Variants in TARS2 observed in about 807,000 individuals in gnomAD.
TARS2 encodes the protein threonine--tRNA ligase, mitochondrial.
A neutral mutation model predicts 94.4 loss-of-function variants in TARS2; 61 were observed. The observed-to-expected ratio is 0.65, with a 90% CI of 0.53 to 0.80. The LOEUF (loss-of-function observed/expected upper bound fraction) is 0.80, where lower values mean the gene tolerates loss of function less well. Ranked by LOEUF, TARS2 falls within the 30% of genes least tolerant of loss-of-function variation. TARS2 has a pLI of 0.00. For missense variants in TARS2, 704 were observed against 902.5 expected, an observed-to-expected ratio of 0.78 and a Z score of 2.82; for synonymous variants, 359 against 353.4, an observed-to-expected ratio of 1.02 and a Z score of -0.18.
chr1:150,491,863 C>T (rs1461791998), intron 6 of TARS2: 6 of 524,980 alleles, frequency 1.1e-5, no homozygotes, highest in South Asian at 4.1e-5. Flanking sequence ...AGCACGATCT[C>T]GGCTCACTGC....
chr1:150,489,662 C>T (rs1333668055), intron 3 of TARS2, among the ~76,000 whole-genome samples: 1 of 152,162 alleles, frequency 6.6e-6, no homozygotes, highest in African/African-American at 2.4e-5. Flanking sequence ...TTATTCTGGC[C>T]AGGCACAGTA....
At position 150,503,605 on chromosome 1, in the gene TARS2, G is replaced by GTA. The variant is rs1218365402; in HGVS notation, c.1618-729_1618-728insAT. On this transcript the variant is annotated intron_variant, in intron 13 of 17. Transcript: ENST00000369064. ...TATATATGTGTGTGTGTGTGTGTAT[G>GTA]TGTGTATATATATGTGTGTGTATAT... 2.1e-4 allele frequency among the ~76,000 whole-genome samples: 29 copies of GTA among 136,184 alleles called. 1 individual carries two copies. Among genetic ancestry groups the GTA allele is most frequent in the Non-Finnish European group, 3.8e-4 (24 of 63,794 alleles). The allele number at this position is 136,184 out of a possible 152,430, so 89.3% of individuals were successfully genotyped here.
At chr1:150,504,173 A>G (rs1670090529) in intron 13 of TARS2, among the ~76,000 whole-genome samples, 162 bp from the exon 14 acceptor site, 1 of 152,118 alleles carries the variant, frequency 6.6e-6, no homozygotes, top group African/African-American at 2.4e-5. Flanking sequence ...AGTTGAGTAG[A>G]GTGAACTGGA....
At chr1:150,493,120 C>T (rs1009133658) in intron 7 of TARS2, among the ~76,000 whole-genome samples, 2 of 152,000 alleles carry the variant, frequency 1.3e-5, no homozygotes, top group African/African-American at 4.8e-5. Context: ...CTTCCCTTCT[C>T]AGCCTCCCAA....
Position 150,491,444 on chromosome 1 carries a change from T to C in TARS2, c.563T>C (p.Leu188Pro), listed in dbSNP as rs767110055. The C allele has an allele frequency of 6.2e-7, 1 of 1,613,900 alleles. No individual in the cohort carries two copies. The highest frequency in any genetic ancestry group is 8.5e-7 in the Non-Finnish European group (1 of 1,180,042). ...LPVLERICQELTAAARPFRRL... is the reference protein window; with the variant it reads ...LPVLERICQEPTAAARPFRRL... ...GTTTTGGAGCGGATTTGCCAGGAAC[T>C]TACAGCTGCTGCTCGACCCTTCCGG... is the stretch of plus-strand genomic sequence containing the variant. Residue 188 changes from leucine to proline, a missense_variant, in exon 5 of 18, where the codon CTT becomes CCT. Leu to Pro is a moderately conservative substitution (Grantham distance 98). Coordinates refer to ENST00000369064, the MANE Select transcript of TARS2 (RefSeq NM_025150.5).
At chr1:150,497,476 A>G (rs1389228650) in intron 9 of TARS2, 54 bp from the exon 10 acceptor site, 2 of 1,559,972 alleles carry the variant, frequency 1.3e-6, no homozygotes, top group East Asian at 4.5e-5. Flanking sequence ...CTGACACCCT[A>G]CCTGCTTTCC....
At chr1:150,498,709 C>T (rs779370150) in intron 11 of TARS2, 45 bp downstream of exon 11, 1 of 1,612,772 alleles carries the variant, frequency 6.2e-7, no homozygotes. Flanking sequence ...AACCACCTTT[C>T]TTTCTCCCTA....
Position 150,488,044 on chromosome 1 carries a change from C to G in TARS2, c.253C>G (p.Arg85Gly). 1 of 1,613,798 alleles carries G rather than the reference C, an allele frequency of 6.2e-7. No homozygotes were observed. Among genetic ancestry groups the G allele is most frequent in the Non-Finnish European group, 8.5e-7 (1 of 1,179,888 alleles). The change falls in exon 2 of 18, where the codon CGG becomes GGG. Residue 85 changes from arginine (R) to glycine (G), a missense_variant. Arg to Gly is a moderately radical substitution (Grantham distance 125). Coordinates refer to ENST00000369064, the MANE Select transcript of TARS2 (RefSeq NM_025150.5). ...GAACACAACCCCCTACCAACTAGCC[C>G]GGCAGATCAGGTAACAGGCCCATCC... The part of the protein sequence containing the change: ...AWNTTPYQLA[R>G]QISSTLADTA...
In TARS2 at chr1:150,505,808, T is replaced by C. The variant is rs1356363115; in HGVS notation, c.2008+103T>C. ...GCATATTTGGGTTAATTGGGGCTCA[T>C]TACCTGAGCAGGTAGGAGCCAGGAT... On this transcript the variant is annotated intron_variant, in intron 17 of 17. Coordinates refer to ENST00000369064, the MANE Select transcript of TARS2 (RefSeq NM_025150.5). 9.3e-6 allele frequency: 10 copies of C among 1,073,532 alleles called. No homozygotes were observed. The African/African-American group carries it at 1.4e-4, about 15-fold the overall frequency. 66.5% of individuals were successfully genotyped at this position (1,073,532 alleles called of 1,614,324 possible). A position where few individuals can be genotyped will look rare whatever the true frequency, so the allele number is the denominator to read the frequency against.
At position 150,491,583 on chromosome 1, in the gene TARS2, T is replaced by C; in HGVS notation, c.631-15T>C. 3 of 1,614,178 alleles carry C rather than the reference T, an allele frequency of 1.9e-6. No homozygotes were observed. The highest frequency in any genetic ancestry group is 2.5e-6 in the Non-Finnish European group (3 of 1,180,030). ...ATAAACACTTTTCTTCAATCTCCCT[T>C]CTACCTTTTTCCAGGATAACCCCTT... On this transcript the variant is annotated splice_polypyrimidine_tract_variant and intron_variant, in intron 5 of 17. Transcript: ENST00000369064.
Position 150,505,066 on chromosome 1 carries a change from G to A in TARS2, c.1893+88G>A, listed in dbSNP as rs1354943306. Reference sequence around the variant, plus strand: ...GTGGGCAGGAAGAGGCTGCAGGGGTGGTAGAGGAAGGAGCACAGCCCTCAC... The same window carrying A: ...GTGGGCAGGAAGAGGCTGCAGGGGTAGTAGAGGAAGGAGCACAGCCCTCAC... On this transcript the variant is annotated intron_variant, in intron 16 of 17. Transcript: ENST00000369064. 9 of 1,342,450 alleles carry A rather than the reference G, an allele frequency of 6.7e-6. No individual in the cohort carries two copies. The East Asian group carries it at 1.4e-4, about 22-fold the overall frequency. 83.2% of individuals were successfully genotyped at this position (1,342,450 alleles called of 1,614,324 possible).
chr1:150,498,561 T>G lies in TARS2; in HGVS notation c.1298T>G (p.Phe433Cys), dbSNP rs147152612. 111 of 1,604,430 alleles carry G rather than the reference T, an allele frequency of 6.9e-5. No homozygotes were observed. The highest frequency in any genetic ancestry group is 3.7e-5 in the Non-Finnish European group (44 of 1,177,294). The change falls in exon 11 of 18, where the codon TTT becomes TGT. Residue 433 changes from phenylalanine (F) to cysteine (C), a missense_variant. This residue lies in a region of TARS2 where 466 missense variants were observed against 609.5 expected (regional missense o/e 0.76). Coordinates refer to ENST00000369064, the MANE Select transcript of TARS2 (RefSeq NM_025150.5). ...GAACTGCCCCTGCGACTAGCTGACTTTGGGGCTCTACACCGGGCCGAAGCC... is the reference window on the plus strand; with the variant it reads ...GAACTGCCCCTGCGACTAGCTGACTGTGGGGCTCTACACCGGGCCGAAGCC... ...WRELPLRLAD[F>C]GALHRAEASG...
chr1:150,487,786 A>G (rs1669214203), intron 1 of TARS2, 72 bp from the exon 2 acceptor site: 2 of 1,555,270 alleles, frequency 1.3e-6, no homozygotes, highest in African/African-American at 2.7e-5. Context: ...ACCATCCCAA[A>G]GTGCCATCAT....
chr1:150,506,500 A>ACACG, intron 17 of TARS2, among the ~76,000 whole-genome samples: 1 of 146,380 alleles, frequency 6.8e-6, no homozygotes, highest in Non-Finnish European at 1.5e-5. Context: ...ACACACACAC[A>ACACG]CACACACACA....
Position 150,499,225 on chromosome 1 carries a change from C to T in TARS2, c.1549C>T (p.Gln517Ter), listed in dbSNP as rs760045606. Residue 517 changes from glutamine to a stop codon, truncating the protein, a stop_gained, in exon 13 of 18, where the codon CAG becomes TAG. Transcript: ENST00000369064. LOFTEE classifies it high-confidence loss of function. ...TCTCATTCCTTCAAAGGTCCTTAAA[C>T]AGGCCCTGAAGGAATTTGGAGAACC... ...LWDQAEQVLKQALKEFGEPWD... is the reference protein window; with the variant it reads ...LWDQAEQVLK 1.2e-6 allele frequency: 2 copies of T among 1,614,122 alleles called. No individual in the cohort carries two copies. The highest frequency in any genetic ancestry group is 1.7e-6 in the Non-Finnish European group (2 of 1,180,006).
At position 150,487,605 on chromosome 1, in the gene TARS2, ACTC is replaced by A. The variant is rs778892652; in HGVS notation, c.66+96_66+98del. The A allele has an allele frequency of 1.1e-5, 17 of 1,537,078 alleles. No individual in the cohort carries two copies. In the East Asian group the frequency reaches 1.2e-4, roughly 10 times the overall value. On this transcript the variant is annotated intron_variant, in intron 1 of 17. Coordinates refer to ENST00000369064, the MANE Select transcript of TARS2 (RefSeq NM_025150.5). ...TTTTATGTTAACCCAGCCTCACGCC[ACTC>A]CTCCTCTCCCTGGTCCTCCGAGTCC...
rs1670265332 is a variant in TARS2, at chr1:150,507,122, G to C, written c.*58G>C. The C allele has an allele frequency of 6.2e-7, 1 of 1,603,694 alleles. No individual in the cohort carries two copies. Among genetic ancestry groups the C allele is most frequent in the African/African-American group, 1.3e-5 (1 of 74,822 alleles). On this transcript the variant is annotated 3_prime_UTR_variant, in exon 18 of 18. Coordinates refer to ENST00000369064, the MANE Select transcript of TARS2 (RefSeq NM_025150.5). The stretch of plus-strand genomic sequence containing the variant: ...AGTGCCATCAGCCTCCCTCACATGG[G>C]AGACCCCAACCCAGCTGACAATGTG...
intron 10 of TARS2, among the ~76,000 whole-genome samples, chr1:150,498,213 A>G (rs1669758084): frequency 6.6e-6 from 1 of 152,112 alleles, no homozygotes; most frequent in Non-Finnish European, 1.5e-5. Context: ...TTTAGGTCTC[A>G]GTCTCCTTAA....
chr1:150,488,054 G>C lies in TARS2; in HGVS notation c.263G>C (p.Ser88Thr), dbSNP rs1669228818. ...TTPYQLARQISSTLADTAVAA... is the reference protein window; with the variant it reads ...TTPYQLARQITSTLADTAVAA... ...CCCTACCAACTAGCCCGGCAGATCA[G>C]GTAACAGGCCCATCCTGTAACTACC... is the stretch of plus-strand genomic sequence containing the variant. The change falls in exon 2 of 18, where the codon AGT (serine) becomes ACT (threonine). Residue 88 changes from serine to threonine, a missense_variant and splice_region_variant. By Grantham distance (58) the Ser-to-Thr change is moderately conservative (BLOSUM62 1). Transcript: ENST00000369064. 1 of 1,613,646 alleles carries C rather than the reference G, an allele frequency of 6.2e-7. No homozygotes were observed.
Sources: gnomAD v4.1 joint callset for allele counts (sites outside exome capture counted in the v4.1 genomes callset) on GRCh38, gnomAD v4.1.1 for gene constraint, gnomAD v4.1.1 regional missense constraint, MANE v1.5 for transcripts, NCBI Gene and HGNC (gene_info 2026-07-23, HGNC 2026-07-21) for gene names.